Variants in TTF1 observed in about 807,000 individuals in gnomAD.
The protein encoded by TTF1 is transcription termination factor 1, also known as transcription termination factor, RNA polymerase I.
In TTF1, 64 loss-of-function variants were observed where a neutral mutation model predicts 80.2. That is an observed-to-expected ratio of 0.80 (90% CI 0.65 to 0.98). The LOEUF (loss-of-function observed/expected upper bound fraction) is 0.98. Ranked by LOEUF, TTF1 falls within the 50% of genes least tolerant of loss-of-function variation. The pLI, the probability that TTF1 is intolerant of heterozygous loss-of-function variation, is 0.00. For missense variants in TTF1, 1,023 were observed against 1,086.2 expected (o/e 0.94, Z 0.82); for synonymous variants, 372 against 382.7 (o/e 0.97, Z 0.33).
chr9:132,393,408 C>A (rs139249903), intron 5 of TTF1, among the ~76,000 whole-genome samples: 2 of 152,248 alleles, frequency 1.3e-5, no homozygotes, highest in Non-Finnish European at 2.9e-5. Context: ...GGCGGAAAAC[C>A]GCTTAAAGGC....
Position 132,389,371 on chromosome 9 carries a change from T to C in TTF1, c.2223-1143A>G, listed in dbSNP as rs188402742. Among the ~76,000 whole-genome samples, 467 of 151,694 alleles carry C rather than the reference T, an allele frequency of 3.1e-3. 3 individuals carry two copies. Among genetic ancestry groups the C allele is most frequent in the African/African-American group, 0.011 (446 of 41,366 alleles). On this transcript the variant is annotated intron_variant, in intron 7 of 10. Transcript: ENST00000334270. ...TAATTTTTTGTATTTTTAGTAGAGG[T>C]GGGGTTTCACTATGTTGGCCAGTCT...
chr9:132,378,238 G>C (rs928736353), intron 10 of TTF1, among the ~76,000 whole-genome samples: 1 of 121,244 alleles, frequency 8.2e-6, no homozygotes, highest in Non-Finnish European at 1.7e-5. Flanking sequence ...GCATGCATGT[G>C]GTGTGAGTGC....
rs1849434288 is a variant in TTF1, at chr9:132,384,955, C to T, written c.2378+1601G>A. ...ACAGGCAAGAGCCACCGTGCCCAGCCTACGTTTCTTTAATTCTGGACTACG... is the reference window on the plus strand; with the variant it reads ...ACAGGCAAGAGCCACCGTGCCCAGCTTACGTTTCTTTAATTCTGGACTACG... On this transcript the variant is annotated intron_variant, in intron 9 of 10. Coordinates refer to ENST00000334270, the MANE Select transcript of TTF1 (RefSeq NM_007344.4). The surrounding 1 kb of genome is among the most constrained non-coding windows in gnomAD (Gnocchi z 4.1). 6.6e-6 allele frequency among the ~76,000 whole-genome samples: 1 copy of T among 152,166 alleles called. No individual in the cohort carries two copies. Among genetic ancestry groups the T allele is most frequent in the Non-Finnish European group, 1.5e-5 (1 of 68,026 alleles).
chr9:132,401,940 A>G lies in TTF1; in HGVS notation c.882T>C (p.Pro294=), dbSNP rs138451375. The G allele has an allele frequency of 3.0e-4, 476 of 1,611,204 alleles. 1 individual carries two copies. In the African/African-American group the frequency reaches 5.8e-3, roughly 20 times the overall value. The change falls in exon 2 of 11, where the codon CCT becomes CCC. Residue 294 remains proline (P), a synonymous_variant. Coordinates refer to ENST00000334270, the MANE Select transcript of TTF1 (RefSeq NM_007344.4). ...NHQEFEALAM[P]EGSQVGSEVG... is the part of the protein sequence containing the mutation. ...CCTCACTGCCCACTTGTGATCCTTC[A>G]GGCATGGCCAATGCCTCAAATTCCT... is the stretch of plus-strand genomic sequence containing the variant.
rs528230951 is a variant in TTF1, at chr9:132,400,232, T to G, written c.1394A>C (p.Asn465Thr). Residue 465 changes from asparagine (N) to threonine (T), a missense_variant, in exon 3 of 11, where the codon AAT becomes ACT. Asn to Thr is a moderately conservative substitution (Grantham distance 65). Transcript: ENST00000334270. ...TTCGGAATCTTCAGCTGTTTCCACATTGTGTTCTTCATTTGCAGGTTCTAA... is the reference window on the plus strand; with the variant it reads ...TTCGGAATCTTCAGCTGTTTCCACAGTGTGTTCTTCATTTGCAGGTTCTAA... ...PRLEPANEEH[N>T]VETAEDSEIR... 1 of 1,614,220 alleles carries G rather than the reference T, an allele frequency of 6.2e-7. No homozygotes were observed. Among genetic ancestry groups the G allele is most frequent in the African/African-American group, 1.3e-5 (1 of 75,072 alleles).
chr9:132,390,950 G>A, intron 6 of TTF1, 119 bp from the exon 7 acceptor site: 1 of 856,270 alleles, frequency 1.2e-6, no homozygotes, highest in Non-Finnish European at 1.8e-6. Flanking sequence ...CAATTATATA[G>A]ACATAAAACA....
chr9:132,377,589 G>A (rs62649741), intron 10 of TTF1, among the ~76,000 whole-genome samples: 2,038 of 45,096 alleles, frequency 0.045, 193 homozygotes, highest in Non-Finnish European at 0.079. Context: ...GTGTGTGTGA[G>A]TGCATGTGGT....
intron 5 of TTF1, among the ~76,000 whole-genome samples, chr9:132,393,536 G>C (rs565113049): frequency 4.6e-5 from 7 of 152,242 alleles, no homozygotes; most frequent in Non-Finnish European, 8.8e-5. Context: ...TCCCATAAGG[G>C]ATACTTTTAG....
intron 3 of TTF1, 42 bp downstream of exon 3, chr9:132,399,993 C>A (rs1211561343): frequency 6.2e-7 from 1 of 1,600,742 alleles, no homozygotes; most frequent in Non-Finnish European, 8.6e-7. Flanking sequence ...GCTAGCTCTG[C>A]ATACAGGAAG....
At chr9:132,382,761 C>CAAAA (rs55904518) in intron 9 of TTF1, among the ~76,000 whole-genome samples, 1 of 136,936 alleles carries the variant, frequency 7.3e-6, no homozygotes, top group Non-Finnish European at 1.6e-5. Flanking sequence ...ACTAAAAATA[C>CAAAA]AAAAAAAAAA....
In TTF1 at chr9:132,402,310, T is replaced by C. The variant is rs1427297253; in HGVS notation, c.512A>G (p.His171Arg). The C allele has an allele frequency of 1.9e-6, 3 of 1,614,022 alleles. No homozygotes were observed. Among genetic ancestry groups the C allele is most frequent in the Middle Eastern group, 1.6e-4 (1 of 6,084 alleles). The change falls in exon 2 of 11, where the codon CAT becomes CGT. Residue 171 changes from histidine to arginine, a missense_variant. Physicochemically the swap from His to Arg is conservative, Grantham distance 29 (BLOSUM62 0). Coordinates refer to ENST00000334270, the MANE Select transcript of TTF1 (RefSeq NM_007344.4). ...CTCCCAGGATGCAGCTTTCCTCTGA[T>C]GCTTTTTATTCTTTTTCTCCCTAAC... ...SKVREKKNKK[H>R]QRKAASWESQ...
chr9:132,381,541 T>C (rs191972077), intron 9 of TTF1, among the ~76,000 whole-genome samples: 3 of 152,328 alleles, frequency 2.0e-5, no homozygotes, highest in African/African-American at 4.8e-5. Flanking sequence ...GCTTTGTCAA[T>C]GTAAGTCGTT....
In TTF1 at chr9:132,386,577, T is replaced by C; in HGVS notation, c.2357A>G (p.Glu786Gly). Reference sequence around the variant, plus strand: ...TTACCCTATGGCACTAGCAAGATCTTCCCAGTCTATTTCATTAGTATCTTC... The same window carrying C: ...TTACCCTATGGCACTAGCAAGATCTCCCCAGTCTATTTCATTAGTATCTTC... ...NVEDTNEIDW[E>G]DLASAIGDVP... The change falls in exon 9 of 11, where the codon GAA becomes GGA. Residue 786 changes from glutamate (E) to glycine (G), a missense_variant. By Grantham distance (98) the Glu-to-Gly change is moderately conservative. Coordinates refer to ENST00000334270, the MANE Select transcript of TTF1 (RefSeq NM_007344.4). The C allele has an allele frequency of 6.2e-7, 1 of 1,612,606 alleles. No homozygotes were observed. The highest frequency in any genetic ancestry group is 8.5e-7 in the Non-Finnish European group (1 of 1,178,696).
At position 132,392,140 on chromosome 9, in the gene TTF1, C is replaced by G. The variant is rs370191696; in HGVS notation, c.1923G>C (p.Thr641=). Residue 641 remains threonine, a synonymous_variant, in exon 6 of 11, where the codon ACG becomes ACC. Transcript: ENST00000334270. ...YHSLLGNDWK[T]IGEMVARSSL... is the part of the protein sequence containing the mutation. The stretch of plus-strand genomic sequence containing the variant: ...TACTTCGGGCCACCATCTCACCAAT[C>G]GTCTTCCAGTCATTCCCAAGGAGAG... 3 of 1,614,050 alleles carry G rather than the reference C, an allele frequency of 1.9e-6. No homozygotes were observed. The highest frequency in any genetic ancestry group is 2.7e-5 in the African/African-American group (2 of 74,926).
chr9:132,387,647 C>T (rs1186815746), intron 8 of TTF1, among the ~76,000 whole-genome samples: 1 of 152,100 alleles, frequency 6.6e-6, no homozygotes, highest in Non-Finnish European at 1.5e-5. Context: ...TCACACGCAT[C>T]ACGAAACGGG....
chr9:132,397,130 C>T (rs982844882), intron 4 of TTF1, among the ~76,000 whole-genome samples: 13 of 152,142 alleles, frequency 8.5e-5, no homozygotes, highest in African/African-American at 1.7e-4. Context: ...CTTCAGCTTC[C>T]GGTCTATGCA....
intron 9 of TTF1, among the ~76,000 whole-genome samples, chr9:132,381,633 T>A (rs1435787253): frequency 6.6e-6 from 1 of 152,170 alleles, no homozygotes; most frequent in African/African-American, 2.4e-5. Context: ...GGGCCTATGA[T>A]GCTGAAGAGT....
rs1202350874 is a variant in TTF1 at position 132,401,927 on chromosome 9, C to G, written c.895G>C (p.Val299Leu). ...EALAMPEGSQ[V>L]GSEVGADMQE... ...ATATCAGCCCCAACCTCACTGCCCACTTGTGATCCTTCAGGCATGGCCAAT... is the reference window on the plus strand; with the variant it reads ...ATATCAGCCCCAACCTCACTGCCCAGTTGTGATCCTTCAGGCATGGCCAAT... The change falls in exon 2 of 11, where the codon GTG becomes CTG. Residue 299 changes from valine to leucine, a missense_variant. Physicochemically the swap from Val to Leu is conservative, Grantham distance 32. Transcript: ENST00000334270. 1.2e-6 allele frequency: 2 copies of G among 1,610,952 alleles called. No individual in the cohort carries two copies. The highest frequency in any genetic ancestry group is 1.7e-6 in the Non-Finnish European group (2 of 1,178,794).
In TTF1 at chr9:132,402,071, G is replaced by C; in HGVS notation, c.751C>G (p.Gln251Glu). 6.2e-7 allele frequency: 1 copy of C among 1,614,008 alleles called. No homozygotes were observed. The highest frequency in any genetic ancestry group is 1.1e-5 in the South Asian group (1 of 91,070). The change falls in exon 2 of 11, where the codon CAG (glutamine) becomes GAG (glutamate). Residue 251 changes from glutamine to glutamate, a missense_variant. Transcript: ENST00000334270. ...AAGCCCACAGTAGGCTGGGATTCCTGCATATCAGTCCCGGCCTCTCTGCCT... is the reference window on the plus strand; with the variant it reads ...AAGCCCACAGTAGGCTGGGATTCCTCCATATCAGTCCCGGCCTCTCTGCCT... ...QAGREAGTDM[Q>E]ESQPTVGLDD...
Sources: gnomAD v4.1 joint callset for allele counts (sites outside exome capture counted in the v4.1 genomes callset) on GRCh38, gnomAD v4.1.1 for gene constraint, Gnocchi (gnomAD v3.1) non-coding constraint, MANE v1.5 for transcripts, NCBI Gene and HGNC (gene_info 2026-07-23, HGNC 2026-07-21) for gene names.